Variants in CFAP77 observed in about 807,000 individuals in gnomAD.
CFAP77 encodes cilia- and flagella-associated protein 77.
CFAP77 carries 25 observed loss-of-function variants against 31.1 expected under a neutral mutation model. The ratio of observed to expected loss-of-function variants is 0.80; its 90% CI spans 0.59 to 1.12. CFAP77 has a LOEUF of 1.12. CFAP77 is among the 50% of genes most tolerant of loss of function. The pLI is 0.00. For synonymous variants in CFAP77, 151 were observed against 159.9 expected (o/e 0.94, Z 0.42); for missense variants, 377 against 397.3 (o/e 0.95, Z 0.44).
At position 132,517,508 on chromosome 9, in the gene CFAP77, C is replaced by T. The variant is rs975475005; in HGVS notation, c.524+17908C>T. 1.1e-4 allele frequency among the ~76,000 whole-genome samples: 16 copies of T among 152,198 alleles called. No homozygotes were observed. Among genetic ancestry groups the T allele is most frequent in the Admixed American group, 9.8e-4 (15 of 15,280 alleles). ...ACCAATTATTTTAGCCTGCTGTGAA[C>T]GGAGAGCCGTACTAAAATCCAGTTT... On this transcript the variant is annotated intron_variant, in intron 3 of 5. Transcript: ENST00000393216. The surrounding 1 kb of genome is among the most constrained non-coding windows in gnomAD (Gnocchi z 4.7).
At chr9:132,560,939 G>A (rs1249873009) in intron 5 of CFAP77, among the ~76,000 whole-genome samples, 3 of 152,164 alleles carry the variant, frequency 2.0e-5, no homozygotes, top group East Asian at 1.9e-4. Flanking sequence ...AGGGAGGGTC[G>A]GGTCCTGTGT....
At chr9:132,557,635 A>G (rs1437722738) in intron 5 of CFAP77, among the ~76,000 whole-genome samples, 2 of 152,176 alleles carry the variant, frequency 1.3e-5, no homozygotes, top group East Asian at 3.8e-4. Context: ...ATTCTCCCCA[A>G]GCTGACTATG....
chr9:132,512,056 A>G (rs1564234627), intron 3 of CFAP77, among the ~76,000 whole-genome samples: 1 of 151,896 alleles, frequency 6.6e-6, no homozygotes, highest in Non-Finnish European at 1.5e-5. Context: ...CTCTGTTTAA[A>G]AAAAAAAAAA....
rs1035775079 is a variant in CFAP77, at chr9:132,499,871, C to T, written c.524+271C>T. 3.9e-5 allele frequency among the ~76,000 whole-genome samples: 6 copies of T among 152,146 alleles called. No homozygotes were observed. The highest frequency in any genetic ancestry group is 1.4e-4 in the African/African-American group (6 of 41,424). ...ACAGTGATTGAGACCTGTCCCTGGGCCAGGCCCAGTGACTCATCTCTGTAA... is the reference window on the plus strand; with the variant it reads ...ACAGTGATTGAGACCTGTCCCTGGGTCAGGCCCAGTGACTCATCTCTGTAA... On this transcript the variant is annotated intron_variant, in intron 3 of 5. Coordinates refer to ENST00000393216, the MANE Select transcript of CFAP77 (RefSeq NM_001282957.2). This position sits in a 1 kb window ranked among gnomAD's most constrained non-coding sequence, Gnocchi z 5.4.
chr9:132,500,968 CTCT>C (rs1431114267), intron 3 of CFAP77, among the ~76,000 whole-genome samples: 2 of 152,266 alleles, frequency 1.3e-5, no homozygotes, highest in African/African-American at 4.8e-5. Flanking sequence ...TAACTGCTCT[CTCT>C]TCTTCCAGAA....
At chr9:132,508,184 C>A (rs970497698) in intron 3 of CFAP77, among the ~76,000 whole-genome samples, 1 of 152,212 alleles carries the variant, frequency 6.6e-6, no homozygotes, top group African/African-American at 2.4e-5. Context: ...GATGACACTT[C>A]ATAGACTCCG....
chr9:132,457,641 A>T (rs1033021310), intron 1 of CFAP77, among the ~76,000 whole-genome samples: 1 of 152,170 alleles, frequency 6.6e-6, no homozygotes, highest in Non-Finnish European at 1.5e-5. Context: ...GCGACAGGTT[A>T]CTGATGGTAT....
At chr9:132,518,929 G>A (rs1005883279) in intron 3 of CFAP77, among the ~76,000 whole-genome samples, 1 of 152,204 alleles carries the variant, frequency 6.6e-6, no homozygotes, top group Non-Finnish European at 1.5e-5. Flanking sequence ...TGACTACTGC[G>A]TGGTCTTGAG....
chr9:132,444,805 G>A (rs1387315342), intron 1 of CFAP77, among the ~76,000 whole-genome samples: 2 of 151,866 alleles, frequency 1.3e-5, no homozygotes, highest in African/African-American at 4.8e-5. Context: ...GTAGAGTTAC[G>A]TGGCATTAAA....
At chr9:132,531,488 C>A (rs1234752105) in intron 3 of CFAP77, among the ~76,000 whole-genome samples, 1 of 151,928 alleles carries the variant, frequency 6.6e-6, no homozygotes, top group Admixed American at 6.6e-5. Flanking sequence ...GTGTGCTGAG[C>A]GAGAGAAAGA....
At chr9:132,474,608 T>TG (rs147053868) in intron 1 of CFAP77, among the ~76,000 whole-genome samples, 1,597 of 151,904 alleles carry the variant, frequency 0.011, 13 homozygotes, top group Non-Finnish European at 0.018. Flanking sequence ...ATGGAGCTGC[T>TG]GGGGGTTGGT....
intron 1 of CFAP77, among the ~76,000 whole-genome samples, chr9:132,447,822 CAGCCCT>C (rs1242098454): frequency 2.0e-5 from 3 of 152,204 alleles, no homozygotes; most frequent in Non-Finnish European, 4.4e-5. Flanking sequence ...TCTCTGTACT[CAGCCCT>C]AGAATATTTC....
chr9:132,474,815 C>T (rs891214174), intron 1 of CFAP77, among the ~76,000 whole-genome samples: 4 of 152,294 alleles, frequency 2.6e-5, no homozygotes, highest in Middle Eastern at 3.4e-3. Flanking sequence ...TTGGATCCGA[C>T]GGCTTATGTC....
intron 1 of CFAP77, among the ~76,000 whole-genome samples, chr9:132,489,040 G>T (rs1010687549): frequency 1.3e-5 from 2 of 152,196 alleles, no homozygotes; most frequent in South Asian, 4.1e-4. Flanking sequence ...GCTGAGGAGG[G>T]AGGGGTGGTC....
intron 3 of CFAP77, among the ~76,000 whole-genome samples, chr9:132,526,681 G>A (rs1380165328): frequency 1.5e-5 from 2 of 129,626 alleles, no homozygotes; most frequent in Admixed American, 7.8e-5. Flanking sequence ...TATCACCACC[G>A]ATCCCACAGA....
chr9:132,447,923 T>C (rs879330761), intron 1 of CFAP77, among the ~76,000 whole-genome samples: 3 of 152,196 alleles, frequency 2.0e-5, no homozygotes, highest in Admixed American at 1.3e-4. Flanking sequence ...GTGAGATTAT[T>C]TGTTTTACAG....
chr9:132,499,460 G>A lies in CFAP77; in HGVS notation c.384G>A (p.Val128=). 1 of 1,614,242 alleles carries A rather than the reference G, an allele frequency of 6.2e-7. No individual in the cohort carries two copies. The highest frequency in any genetic ancestry group is 2.2e-5 in the East Asian group (1 of 44,874). Residue 128 remains valine (V), a synonymous_variant, in exon 3 of 6, where the codon GTG becomes GTA. Coordinates refer to ENST00000393216, the MANE Select transcript of CFAP77 (RefSeq NM_001282957.2). This position sits in a 1 kb window ranked among gnomAD's most constrained non-coding sequence, Gnocchi z 5.4. ...ATATCGCAATGAACCGCGGGGCGGT[G>A]AAAGCCGGCCTGGTGACTGCCCGGG... ...RNYIAMNRGA[V]KAGLVTAREN... is the part of the protein sequence containing the mutation.
At chr9:132,500,860 C>T (rs78202435) in intron 3 of CFAP77, among the ~76,000 whole-genome samples, 15,310 of 152,216 alleles carry the variant, frequency 0.1, 809 homozygotes, top group South Asian at 0.15. Context: ...ACAGGCCACA[C>T]GCAAGTAGGG....
At chr9:132,523,415 G>C (rs1027423670) in intron 3 of CFAP77, among the ~76,000 whole-genome samples, 1 of 152,072 alleles carries the variant, frequency 6.6e-6, no homozygotes, top group Non-Finnish European at 1.5e-5. Context: ...ATCCACCCAC[G>C]TTTGTGCAGA....
Sources: gnomAD v4.1 joint callset for allele counts (sites outside exome capture counted in the v4.1 genomes callset) on GRCh38, gnomAD v4.1.1 for gene constraint, Gnocchi (gnomAD v3.1) non-coding constraint, MANE v1.5 for transcripts, NCBI Gene and HGNC (gene_info 2026-07-23, HGNC 2026-07-21) for gene names.